XKR6: variants seen among roughly 807,000 people sequenced by gnomAD.
The protein encoded by XKR6 is XK related 6, also known as XK-related protein 6.
Under a neutral mutation model 56.7 loss-of-function variants are expected in XKR6, and 22 were observed. That is an observed-to-expected ratio of 0.39 (90% confidence interval 0.28 to 0.55). The LOEUF (loss-of-function observed/expected upper bound fraction) is 0.55. Ranked by LOEUF, XKR6 falls within the 20% of genes least tolerant of loss-of-function variation. The pLI is 0.66. For missense variants in XKR6, 852 were observed against 889.0 expected, an observed-to-expected ratio of 0.96 and a Z score of 0.53; for synonymous variants, 524 against 387.8, an observed-to-expected ratio of 1.35 and a Z score of -4.13.
chr8:10,918,808 A>G (rs981897995), intron 2 of XKR6, among the ~76,000 whole-genome samples: 2 of 152,086 alleles, frequency 1.3e-5, no homozygotes, highest in Non-Finnish European at 2.9e-5. Context: ...CTCTCTTTCT[A>G]TTACCACCCC....
At chr8:11,156,342 C>T (rs1801517772) in intron 1 of XKR6, among the ~76,000 whole-genome samples, 1 of 152,192 alleles carries the variant, frequency 6.6e-6, no homozygotes, top group African/African-American at 2.4e-5. Flanking sequence ...TGCAGCTTTC[C>T]CTACCATCTC....
At chr8:10,990,039 C>T (rs1797953284) in intron 1 of XKR6, among the ~76,000 whole-genome samples, 1 of 152,192 alleles carries the variant, frequency 6.6e-6, no homozygotes, top group Non-Finnish European at 1.5e-5. Context: ...GTGTGATCTA[C>T]AATAGGTGGT....
At chr8:11,196,744 C>T (rs1449545413) in intron 1 of XKR6, among the ~76,000 whole-genome samples, 1 of 152,218 alleles carries the variant, frequency 6.6e-6, no homozygotes, top group African/African-American at 2.4e-5. Flanking sequence ...TGTGTCCTCC[C>T]CAGGGAGTCT....
At chr8:11,023,613 T>A (rs1798794457) in intron 1 of XKR6, among the ~76,000 whole-genome samples, 1 of 152,166 alleles carries the variant, frequency 6.6e-6, no homozygotes. Context: ...GGGGGCCACT[T>A]GAGGAGGAGC....
At chr8:10,907,883 A>T (rs963264805) in intron 2 of XKR6, among the ~76,000 whole-genome samples, 4 of 152,130 alleles carry the variant, frequency 2.6e-5, no homozygotes, top group Non-Finnish European at 4.4e-5. Context: ...CTTCTGTTCC[A>T]TCTCTCTTGC....
chr8:11,091,894 G>A (rs775392224), intron 1 of XKR6, among the ~76,000 whole-genome samples: 5 of 152,112 alleles, frequency 3.3e-5, no homozygotes, highest in African/African-American at 4.8e-5. Context: ...CAAGGTCATC[G>A]TAAGCATTCA....
intron 1 of XKR6, among the ~76,000 whole-genome samples, chr8:11,146,451 C>T (rs930789893): frequency 1.3e-5 from 2 of 152,124 alleles, no homozygotes; most frequent in African/African-American, 2.4e-5. Context: ...CACGGCGAAA[C>T]GCCATCTCTA....
intron 2 of XKR6, among the ~76,000 whole-genome samples, chr8:10,907,130 A>G (rs1800208365): frequency 6.6e-6 from 1 of 152,210 alleles, no homozygotes; most frequent in African/African-American, 2.4e-5. Flanking sequence ...CTCAGGACTG[A>G]CAAATATGTG....
chr8:11,034,347 G>C (rs1799084231), intron 1 of XKR6, among the ~76,000 whole-genome samples: 1 of 152,158 alleles, frequency 6.6e-6, no homozygotes, highest in Non-Finnish European at 1.5e-5. Context: ...ATAACAAGAA[G>C]GGTGCCACAG....
At chr8:11,142,106 G>A (rs554744478) in intron 1 of XKR6, among the ~76,000 whole-genome samples, 2 of 151,842 alleles carry the variant, frequency 1.3e-5, no homozygotes, top group East Asian at 1.9e-4. Flanking sequence ...AACTCAAGAT[G>A]TTTTATTTTT....
At chr8:11,123,923 C>G (rs1388593489) in intron 1 of XKR6, 1 of 456,048 alleles carries the variant, frequency 2.2e-6, no homozygotes, top group African/African-American at 2.0e-5. Context: ...ATGTTCTTGG[C>G]TTGCCACCTC....
At chr8:11,172,244 C>T (rs1802415589) in intron 1 of XKR6, among the ~76,000 whole-genome samples, 1 of 151,994 alleles carries the variant, frequency 6.6e-6, no homozygotes, top group African/African-American at 2.4e-5. Context: ...ATTGTGCACG[C>T]CTGTAATCCC....
At chr8:11,008,644 G>A (rs1316226653) in intron 1 of XKR6, among the ~76,000 whole-genome samples, 2 of 151,838 alleles carry the variant, frequency 1.3e-5, no homozygotes, top group African/African-American at 4.8e-5. Flanking sequence ...CAAACTCTTG[G>A]GTTCAAATGA....
intron 1 of XKR6, chr8:11,195,231 T>C (rs1222670534): frequency 1.0e-5 from 7 of 699,690 alleles, no homozygotes; most frequent in Admixed American, 4.1e-5. Flanking sequence ...ACTGCAACAT[T>C]ATAAAAAATA....
At chr8:11,037,920 G>A (rs1375033723) in intron 1 of XKR6, among the ~76,000 whole-genome samples, 3 of 151,552 alleles carry the variant, frequency 2.0e-5, no homozygotes, top group South Asian at 2.1e-4. Context: ...CCAGCTACTC[G>A]GGAGGCTGAG....
At chr8:11,172,901 G>A (rs1473709301) in intron 1 of XKR6, among the ~76,000 whole-genome samples, 4 of 152,140 alleles carry the variant, frequency 2.6e-5, no homozygotes, top group Non-Finnish European at 4.4e-5. Context: ...GATTCTTGCA[G>A]GCAGGCTGGC....
At chr8:11,137,461 C>A in intron 1 of XKR6, 1 of 421,164 alleles carries the variant, frequency 2.4e-6, no homozygotes, top group South Asian at 1.7e-5. Flanking sequence ...ACATCTTCAG[C>A]CGACACGGAA....
intron 1 of XKR6, among the ~76,000 whole-genome samples, chr8:11,024,432 C>G (rs1251409638): frequency 6.6e-6 from 1 of 152,144 alleles, no homozygotes; most frequent in Admixed American, 6.5e-5. Context: ...TAGGGATGCT[C>G]TAAGATTTAA....
At chr8:11,077,708 C>T (rs997550189) in intron 1 of XKR6, among the ~76,000 whole-genome samples, 2 of 152,196 alleles carry the variant, frequency 1.3e-5, no homozygotes, top group African/African-American at 4.8e-5. Flanking sequence ...GGGAACCCTC[C>T]AGCCTCTCCA....
Sources: gnomAD v4.1 joint callset for allele counts (sites outside exome capture counted in the v4.1 genomes callset) on GRCh38, gnomAD v4.1.1 for gene constraint, MANE v1.5 for transcripts, NCBI Gene and HGNC (gene_info 2026-07-23, HGNC 2026-07-21) for gene names.